ACSM4: variants seen among roughly 807,000 people sequenced by gnomAD.
ACSM4 encodes the protein acyl-coenzyme A synthetase ACSM4, mitochondrial.
A neutral mutation model predicts 73.0 loss-of-function variants in ACSM4; 66 were observed. The observed-to-expected ratio is 0.90, with a 90% CI of 0.74 to 1.11. ACSM4 has a LOEUF of 1.11. Ranked by LOEUF, ACSM4 falls within the 50% of genes least tolerant of loss-of-function variation. The pLI is 0.00. For missense variants in ACSM4, 645 were observed against 714.4 expected (o/e 0.90, Z 1.11); for synonymous variants, 222 against 254.0 (o/e 0.87, Z 1.20).
rs750241006 is a variant in ACSM4, at chr12:7,317,308, G to T, written c.764+28G>T. The T allele has an allele frequency of 2.9e-5, 45 of 1,536,430 alleles. 1 individual carries two copies. The South Asian group carries it at 3.0e-4, about 10-fold the overall frequency. On this transcript the variant is annotated intron_variant, in intron 4 of 12. Transcript: ENST00000399422. The stretch of plus-strand genomic sequence containing the variant: ...AGGGAAGAAAATTCAGTTTGTTTTT[G>T]GTGAACTCCCCCAAAGCTGCGAATA...
intron 12 of ACSM4, 30 bp from the exon 13 acceptor site, chr12:7,328,257 T>G (rs1172623609): frequency 2.0e-6 from 3 of 1,508,112 alleles, no homozygotes; most frequent in Non-Finnish European, 2.7e-6. Flanking sequence ...TGGAATCAAG[T>G]GTCTCATCAC....
At chr12:7,306,389 G>A (rs1946362247) in intron 1 of ACSM4, 144 bp from the exon 2 acceptor site, 1 of 733,114 alleles carries the variant, frequency 1.4e-6, no homozygotes, top group African/African-American at 1.8e-5. Flanking sequence ...ATAGGAGAGG[G>A]GCAGTTCCCT....
chr12:7,315,574 T>C (rs1296394647), intron 3 of ACSM4, among the ~76,000 whole-genome samples: 2 of 151,996 alleles, frequency 1.3e-5, no homozygotes, highest in Admixed American at 6.6e-5. Context: ...ATCATGACAC[T>C]GCACTCCAGC....
In ACSM4 at chr12:7,328,475, T is replaced by C. The variant is rs1946528054; in HGVS notation, c.*102T>C. On this transcript the variant is annotated 3_prime_UTR_variant, in exon 13 of 13. Transcript: ENST00000399422. Reference sequence around the variant, plus strand: ...ACTCTCTTAAAATGTTTAAGATCTTTCCTGCTTGAAAACTCAACTGTTGAT... The same window carrying C: ...ACTCTCTTAAAATGTTTAAGATCTTCCCTGCTTGAAAACTCAACTGTTGAT... 1 of 931,340 alleles carries C rather than the reference T, an allele frequency of 1.1e-6. No individual in the cohort carries two copies. The highest frequency in any genetic ancestry group is 1.5e-6 in the Non-Finnish European group (1 of 680,496). The allele number at this position is 931,340 out of a possible 1,614,324, so 57.7% of individuals were successfully genotyped here.
At chr12:7,306,818 G>A (rs1227284108) in intron 2 of ACSM4, 75 bp downstream of exon 2, 1 of 1,258,912 alleles carries the variant, frequency 7.9e-7, no homozygotes, top group Non-Finnish European at 1.1e-6. Flanking sequence ...TGAATTGTTA[G>A]CTCTGATTAA....
At chr12:7,323,346 A>G in intron 8 of ACSM4, 32 bp downstream of exon 8, 1 of 1,601,686 alleles carries the variant, frequency 6.2e-7, no homozygotes, top group Non-Finnish European at 8.5e-7. Context: ...CTGGTTCAGT[A>G]AAGGAGAGAG....
rs191624286 is a variant in ACSM4 at position 7,317,047 on chromosome 12, C to T, written c.621-90C>T. 5.6e-4 allele frequency: 795 copies of T among 1,431,518 alleles called. 6 individuals carry two copies. The African/African-American group carries it at 0.011, about 20-fold the overall frequency. 88.7% of individuals were successfully genotyped at this position (1,431,518 alleles called of 1,614,324 possible). A position where few individuals can be genotyped will look rare whatever the true frequency, so the allele number is the denominator to read the frequency against. On this transcript the variant is annotated intron_variant, in intron 3 of 12. Coordinates refer to ENST00000399422, the MANE Select transcript of ACSM4 (RefSeq NM_001080454.2). ...AGTTCTGTTAACTATCTTCTGGTAGCAAGAGGGCATAAGTAGTTGAGCAGA... is the reference window on the plus strand; with the variant it reads ...AGTTCTGTTAACTATCTTCTGGTAGTAAGAGGGCATAAGTAGTTGAGCAGA...
At position 7,318,032 on chromosome 12, in the gene ACSM4, G is replaced by T. The variant is rs1327721400; in HGVS notation, c.771G>T (p.Trp257Cys). 6.2e-7 allele frequency: 1 copy of T among 1,612,940 alleles called. No homozygotes were observed. Among genetic ancestry groups the T allele is most frequent in the East Asian group, 2.2e-5 (1 of 44,826 alleles). Residue 257 changes from tryptophan to cysteine, a missense_variant, in exon 5 of 13, where the codon TGG becomes TGT. Transcript: ENST00000399422. Reference sequence around the variant, plus strand: ...GCTTTTTCATATCATTTAGGTATTGGCTGGACTTGAAGTCCTCAGATATCA... The same window carrying T: ...GCTTTTTCATATCATTTAGGTATTGTCTGGACTTGAAGTCCTCAGATATCA... Reference protein sequence around the residue: ...GIGFTLCGRYWLDLKSSDIIW... With the variant: ...GIGFTLCGRYCLDLKSSDIIW...
chr12:7,308,790 A>T (rs1315865081), intron 2 of ACSM4, among the ~76,000 whole-genome samples: 1 of 152,258 alleles, frequency 6.6e-6, no homozygotes, highest in Non-Finnish European at 1.5e-5. Flanking sequence ...TTCATAAAAT[A>T]AAATCTCCTT....
In ACSM4 at chr12:7,323,489, C is replaced by A; in HGVS notation, c.1237C>A (p.Pro413Thr). 6.2e-7 allele frequency: 1 copy of A among 1,613,972 alleles called. No individual in the cohort carries two copies. The highest frequency in any genetic ancestry group is 8.5e-7 in the Non-Finnish European group (1 of 1,179,848). Residue 413 changes from proline to threonine, a missense_variant, in exon 9 of 13, where the codon CCT (proline) becomes ACT (threonine). By Grantham distance (38) the Pro-to-Thr change is conservative (BLOSUM62 -1). Coordinates refer to ENST00000399422, the MANE Select transcript of ACSM4 (RefSeq NM_001080454.2). ...IIDENGNVLP[P>T]GKEGEIALRL... ...AGATGAAAATGGCAATGTTCTACCA[C>A]CTGGCAAAGAAGGGGAAATTGCCCT...
rs368742479 is a variant in ACSM4, at chr12:7,322,464, C to T, written c.1048C>T (p.Leu350Phe). 3.1e-6 allele frequency: 5 copies of T among 1,613,880 alleles called. No homozygotes were observed. Among genetic ancestry groups the T allele is most frequent in the Non-Finnish European group, 4.2e-6 (5 of 1,179,846 alleles). The change falls in exon 7 of 13, where the codon CTC becomes TTC. Residue 350 changes from leucine to phenylalanine, a missense_variant. Physicochemically the swap from Leu to Phe is conservative, Grantham distance 22 (BLOSUM62 0). Coordinates refer to ENST00000399422, the MANE Select transcript of ACSM4 (RefSeq NM_001080454.2). ...LRHCLTGGEP[L>F]NPEVLEQWRV... ...GCACTGCTTGACCGGAGGGGAGCCA[C>T]TCAACCCAGAAGTGCTGGAGCAGTG...
rs773674153 is a variant in ACSM4, at chr12:7,317,247, G to C, written c.731G>C (p.Ser244Thr). Residue 244 changes from serine (S) to threonine (T), a missense_variant, in exon 4 of 13, where the codon AGC becomes ACC. By Grantham distance (58) the Ser-to-Thr change is moderately conservative (BLOSUM62 1). Transcript: ENST00000399422. ...CCTAAAATGGCCCAGCACTCTCAGA[G>C]CAGCCTCGGCATTGGGTTCACCCTC... The part of the protein sequence containing the change: ...GFPKMAQHSQ[S>T]SLGIGFTLCG... The C allele has an allele frequency of 2.5e-6, 4 of 1,589,996 alleles. No homozygotes were observed. Among genetic ancestry groups the C allele is most frequent in the East Asian group, 4.6e-5 (2 of 43,828 alleles).
At chr12:7,324,165 A>AG in intron 9 of ACSM4, 108 bp from the exon 10 acceptor site, 2 of 1,392,086 alleles carry the variant, frequency 1.4e-6, no homozygotes, top group Non-Finnish European at 1.9e-6. Context: ...CAAAAAAAAA[A>AG]AAATTTCCTA....
At position 7,310,754 on chromosome 12, in the gene ACSM4, T is replaced by G; in HGVS notation, c.620+8T>G. ...CTTCCAGGAGTTATTTCAGTGAGTATTTTTCCCAGCCAATCTACACTGCTG... is the reference window on the plus strand; with the variant it reads ...CTTCCAGGAGTTATTTCAGTGAGTAGTTTTCCCAGCCAATCTACACTGCTG... On this transcript the variant is annotated splice_region_variant and intron_variant, in intron 3 of 12. Coordinates refer to ENST00000399422, the MANE Select transcript of ACSM4 (RefSeq NM_001080454.2). 6.2e-7 allele frequency: 1 copy of G among 1,605,982 alleles called. No individual in the cohort carries two copies. Among genetic ancestry groups the G allele is most frequent in the Non-Finnish European group, 8.5e-7 (1 of 1,176,528 alleles).
chr12:7,314,629 CAGATAGATAGATGAT>C (rs1247342481), intron 3 of ACSM4, among the ~76,000 whole-genome samples: 1 of 147,554 alleles, frequency 6.8e-6, no homozygotes, highest in Non-Finnish European at 1.5e-5. Flanking sequence ...GATAGATAGA[CAGATAGATAGATGAT>C]AGATAGAGAG....
At chr12:7,318,324 C>G in intron 5 of ACSM4, 142 bp downstream of exon 5, 1 of 1,081,440 alleles carries the variant, frequency 9.2e-7, no homozygotes, top group Non-Finnish European at 1.3e-6. Flanking sequence ...TCTCAAGGGC[C>G]TCAGCTTTTG....
chr12:7,304,386 C>A lies in ACSM4; in HGVS notation c.55C>A (p.Pro19Thr), dbSNP rs117632651. The A allele has an allele frequency of 6.2e-7, 1 of 1,613,816 alleles. No homozygotes were observed. Among genetic ancestry groups the A allele is most frequent in the Non-Finnish European group, 8.5e-7 (1 of 1,179,802 alleles). Residue 19 changes from proline (P) to threonine (T), a missense_variant, in exon 1 of 13, where the codon CCT becomes ACT. Transcript: ENST00000399422. ...TFRFIWLTKP[P>T]GRRLHKDHQL... ...TAGATTCATCTGGCTCACCAAGCCACCTGGCCGGCGCTTACACAAAGATCA... is the reference window on the plus strand; with the variant it reads ...TAGATTCATCTGGCTCACCAAGCCAACTGGCCGGCGCTTACACAAAGATCA...
At chr12:7,315,323 T>C (rs900464481) in intron 3 of ACSM4, among the ~76,000 whole-genome samples, 1 of 152,070 alleles carries the variant, frequency 6.6e-6, no homozygotes, top group African/African-American at 2.4e-5. Context: ...AAAAATATGA[T>C]ACACCAGCCA....
At chr12:7,315,921 C>T (rs1946418008) in intron 3 of ACSM4, among the ~76,000 whole-genome samples, 1 of 152,154 alleles carries the variant, frequency 6.6e-6, no homozygotes, top group Non-Finnish European at 1.5e-5. Context: ...TCCAGTAGGA[C>T]AGTCTAAACA....
Sources: gnomAD v4.1 joint callset for allele counts (sites outside exome capture counted in the v4.1 genomes callset) on GRCh38, gnomAD v4.1.1 for gene constraint, MANE v1.5 for transcripts, NCBI Gene and HGNC (gene_info 2026-07-23, HGNC 2026-07-21) for gene names.